SLC16A10: variants seen among roughly 807,000 people sequenced by gnomAD.
SLC16A10 encodes solute carrier family 16 member 10, also known as monocarboxylate transporter 10.
A neutral mutation model predicts 40.0 loss-of-function variants in SLC16A10; 27 were observed. The ratio of observed to expected loss-of-function variants is 0.67; its 90% CI spans 0.50 to 0.93. The LOEUF (loss-of-function observed/expected upper bound fraction) is 0.93. SLC16A10 is among the 40% of genes least tolerant of loss of function. The pLI, the probability that SLC16A10 is intolerant of heterozygous loss-of-function variation, is 0.00. For missense variants in SLC16A10, 529 were observed against 658.2 expected (o/e 0.80, Z 2.15); for synonymous variants, 213 against 249.8 (o/e 0.85, Z 1.39).
At chr6:111,215,319 T>G (rs1329752772) in intron 4 of SLC16A10, among the ~76,000 whole-genome samples, 2 of 151,290 alleles carry the variant, frequency 1.3e-5, no homozygotes, top group Non-Finnish European at 2.9e-5. Context: ...CAAAGCCAAG[T>G]ACTGTACTAG....
chr6:111,144,928 A>C (rs1027896516), intron 1 of SLC16A10, among the ~76,000 whole-genome samples: 1 of 152,138 alleles, frequency 6.6e-6, no homozygotes, highest in African/African-American at 2.4e-5. Context: ...CCTAGGCTCA[A>C]GTGATCCTCC....
Position 111,087,550 on chromosome 6 carries a change from G to A in SLC16A10, c.-203G>A, listed in dbSNP as rs1361011069. Reference sequence around the variant, plus strand: ...CCTAGAGGCTTCAGTGTCGATCCCCGAGGTGTTCGCGCGCGCCAGCTGTCC... The same window carrying A: ...CCTAGAGGCTTCAGTGTCGATCCCCAAGGTGTTCGCGCGCGCCAGCTGTCC... On this transcript the variant is annotated 5_prime_UTR_variant, in exon 1 of 6. Transcript: ENST00000368851. 1 of 215,794 alleles carries A rather than the reference G, an allele frequency of 4.6e-6. No homozygotes were observed. The highest frequency in any genetic ancestry group is 9.0e-6 in the Non-Finnish European group (1 of 111,368). The allele number at this position is 215,794 out of a possible 1,614,324, so 13.4% of individuals were successfully genotyped here. A position where few individuals can be genotyped will look rare whatever the true frequency, so the allele number is the denominator to read the frequency against.
At chr6:111,100,630 G>T (rs139109088) in intron 1 of SLC16A10, among the ~76,000 whole-genome samples, 1 of 151,928 alleles carries the variant, frequency 6.6e-6, no homozygotes, top group Non-Finnish European at 1.5e-5. Flanking sequence ...TTCGTGATCC[G>T]CCTCGGCCTA....
intron 1 of SLC16A10, among the ~76,000 whole-genome samples, chr6:111,103,952 G>A (rs1048082535): frequency 1.3e-5 from 2 of 152,124 alleles, no homozygotes; most frequent in South Asian, 4.1e-4. Flanking sequence ...TTTTAGGTGG[G>A]GCTACTAAGG....
At chr6:111,092,270 C>G (rs1028868027) in intron 1 of SLC16A10, among the ~76,000 whole-genome samples, 4 of 148,524 alleles carry the variant, frequency 2.7e-5, no homozygotes, top group African/African-American at 1.0e-4. Context: ...ACATACTGCT[C>G]TGTCTGAGGG....
At chr6:111,120,405 C>T (rs1771562881) in intron 1 of SLC16A10, among the ~76,000 whole-genome samples, 1 of 152,150 alleles carries the variant, frequency 6.6e-6, no homozygotes, top group Non-Finnish European at 1.5e-5. Flanking sequence ...CACAATATAA[C>T]ATTTTATAAC....
rs531983507 is a variant in SLC16A10 at position 111,152,122 on chromosome 6, C to T, written c.344-20573C>T. Among the ~76,000 whole-genome samples the T allele has an allele frequency of 1.2e-4, 18 of 152,274 alleles. No individual in the cohort carries two copies. In the South Asian group the frequency reaches 2.9e-3, roughly 25 times the overall value. ...ATAAATGTGTATTGCATGAATAAAG[C>T]TATATATCCCCTTCCTGTTCATACT... On this transcript the variant is annotated intron_variant, in intron 1 of 5. Coordinates refer to ENST00000368851, the MANE Select transcript of SLC16A10 (RefSeq NM_018593.5).
At chr6:111,139,741 A>G (rs763354102) in intron 1 of SLC16A10, among the ~76,000 whole-genome samples, 1 of 152,200 alleles carries the variant, frequency 6.6e-6, no homozygotes, top group Admixed American at 6.5e-5. Context: ...ATTCACGTGC[A>G]TGTGTCTTTG....
At chr6:111,141,498 C>A (rs778045312) in intron 1 of SLC16A10, among the ~76,000 whole-genome samples, 20 of 151,910 alleles carry the variant, frequency 1.3e-4, no homozygotes, top group Non-Finnish European at 2.8e-4. Flanking sequence ...CCCCATCTCT[C>A]CCAAAAATAC....
intron 4 of SLC16A10, among the ~76,000 whole-genome samples, chr6:111,215,864 C>T (rs1479705469): frequency 6.6e-6 from 1 of 152,074 alleles, no homozygotes; most frequent in Non-Finnish European, 1.5e-5. Flanking sequence ...ATTAGCCGGG[C>T]ATAGTGGCAT....
chr6:111,169,166 C>T (rs1772536536), intron 1 of SLC16A10, among the ~76,000 whole-genome samples: 1 of 152,164 alleles, frequency 6.6e-6, no homozygotes, highest in African/African-American at 2.4e-5. Context: ...TACACTCCAG[C>T]CTTTGTCAGG....
intron 1 of SLC16A10, among the ~76,000 whole-genome samples, chr6:111,135,448 C>T (rs1008964794): frequency 6.6e-5 from 10 of 152,154 alleles, no homozygotes; most frequent in Non-Finnish European, 1.5e-4. Context: ...GAGGTTAGTG[C>T]AAGATCTCAG....
intron 1 of SLC16A10, among the ~76,000 whole-genome samples, chr6:111,113,142 A>G (rs1771420177): frequency 6.6e-6 from 1 of 152,224 alleles, no homozygotes; most frequent in Non-Finnish European, 1.5e-5. Flanking sequence ...TAGGAATTCT[A>G]CTTAGTTCTG....
chr6:111,138,666 T>A (rs80103426), intron 1 of SLC16A10, among the ~76,000 whole-genome samples: 2 of 152,162 alleles, frequency 1.3e-5, no homozygotes, highest in African/African-American at 4.8e-5. Flanking sequence ...TTCTTTTTTT[T>A]AAGACAGGGT....
intron 1 of SLC16A10, among the ~76,000 whole-genome samples, chr6:111,145,393 C>T (rs569389203): frequency 2.6e-5 from 4 of 151,960 alleles, no homozygotes; most frequent in Admixed American, 2.6e-4. Context: ...AGAGTGAGAC[C>T]CTGTCTCAAA....
At position 111,201,674 on chromosome 6, in the gene SLC16A10, A is replaced by G. The variant is rs143392837; in HGVS notation, c.943-4918A>G. Among the ~76,000 whole-genome samples the G allele has an allele frequency of 2.7e-3, 404 of 152,372 alleles. 8 individuals carry two copies. Among genetic ancestry groups the G allele is most frequent in the Admixed American group, 0.022 (332 of 15,302 alleles). ...AAAAGGAGGAAGATAATGACCATCA[A>G]GGCATGGCCAAATTACACAGTCTTA... On this transcript the variant is annotated intron_variant, in intron 3 of 5. Coordinates refer to ENST00000368851, the MANE Select transcript of SLC16A10 (RefSeq NM_018593.5).
intron 5 of SLC16A10, among the ~76,000 whole-genome samples, chr6:111,219,648 A>G (rs886501062): frequency 1.1e-4 from 17 of 152,208 alleles, no homozygotes; most frequent in African/African-American, 4.1e-4. Context: ...ATGCCTGTAA[A>G]TACCTAACTG....
At chr6:111,131,168 G>A (rs1771774754) in intron 1 of SLC16A10, among the ~76,000 whole-genome samples, 1 of 152,170 alleles carries the variant, frequency 6.6e-6, no homozygotes, top group African/African-American at 2.4e-5. Context: ...TGCCATCGCA[G>A]ACCCGCCGCT....
chr6:111,205,491 A>T (rs1008781433), intron 3 of SLC16A10, among the ~76,000 whole-genome samples: 1 of 152,050 alleles, frequency 6.6e-6, no homozygotes, highest in Non-Finnish European at 1.5e-5. Context: ...AAGGTCCTTT[A>T]AAAAAAAGAA....
Sources: allele counts gnomAD v4.1 joint callset (sites outside exome capture counted in the v4.1 genomes callset), GRCh38; gene constraint gnomAD v4.1.1; transcripts MANE v1.5; gene names NCBI Gene and HGNC (gene_info 2026-07-23, HGNC 2026-07-21).